Variants in ZNF83 observed in about 807,000 individuals in gnomAD.
ZNF83 encodes zinc finger protein 816B.
For synonymous variants in ZNF83, 209 were observed against 213.0 expected (o/e 0.98, Z 0.17); for missense variants, 552 against 629.9 (o/e 0.88, Z 1.32).
chr19:52,634,100 T>G lies in ZNF83; in HGVS notation c.-234+966A>C, dbSNP rs562240617. 1.7e-4 allele frequency among the ~76,000 whole-genome samples: 26 copies of G among 152,084 alleles called. 1 individual carries two copies. Among genetic ancestry groups the G allele is most frequent in the Non-Finnish European group, 3.2e-4 (22 of 68,000 alleles). On this transcript the variant is annotated intron_variant, in intron 2 of 2. Transcript: ENST00000301096. ...GCCTGGCCAACGTGATGAAACCCTGTGTCTACTAAAAATACAAAAAGATTA... is the reference window on the plus strand; with the variant it reads ...GCCTGGCCAACGTGATGAAACCCTGGGTCTACTAAAAATACAAAAAGATTA...
intron 3 of ZNF83, chr19:52,653,009 G>A: frequency 7.1e-7 from 1 of 1,406,066 alleles, no homozygotes; most frequent in South Asian, 1.1e-5. Flanking sequence ...ACTCTCTGAT[G>A]TTGTGCAAGG....
intron 1 of ZNF83, among the ~76,000 whole-genome samples, chr19:52,676,939 A>G (rs1326884361): frequency 3.5e-5 from 5 of 140,920 alleles, no homozygotes; most frequent in African/African-American, 1.4e-4. Context: ...CATGCTCCTT[A>G]AGAGTCATCA....
At chr19:52,676,312 G>A (rs1449246415) in intron 1 of ZNF83, among the ~76,000 whole-genome samples, 1 of 152,168 alleles carries the variant, frequency 6.6e-6, no homozygotes, top group Non-Finnish European at 1.5e-5. Context: ...GAGTGCAGTG[G>A]CCTGATCTCG....
At chr19:52,625,141 T>C (rs2147121914) in intron 2 of ZNF83, among the ~76,000 whole-genome samples, 1 of 152,234 alleles carries the variant, frequency 6.6e-6, no homozygotes, top group South Asian at 2.1e-4. Context: ...TATGCTATAG[T>C]ATCTTCCACA....
rs1049067203 is a variant in ZNF83 at position 52,680,848 on chromosome 19, G to A, written c.-283+9595C>T. 7.3e-5 allele frequency among the ~76,000 whole-genome samples: 11 copies of A among 150,954 alleles called. No homozygotes were observed. In the East Asian group the frequency reaches 2.2e-3, roughly 30 times the overall value. ...AGGATGGTCTCGATCTCCTGACCTCGTGATCCGCCCGCCTCGGCCTCCCAA... is the reference window on the plus strand; with the variant it reads ...AGGATGGTCTCGATCTCCTGACCTCATGATCCGCCCGCCTCGGCCTCCCAA... On this transcript the variant is annotated intron_variant, in intron 1 of 5. Coordinates refer to the ZNF83 transcript ENST00000594682.
At chr19:52,638,525 C>G (rs1223764355), upstream of ZNF83, 1 of 150,004 alleles carries the variant, frequency 6.7e-6, no homozygotes, top group East Asian at 1.9e-4. Flanking sequence ...TCGTTCCCAG[C>G]GCAGAGGCAT....
intron 1 of ZNF83, among the ~76,000 whole-genome samples, chr19:52,671,740 C>A (rs1253463797): frequency 6.6e-6 from 1 of 152,142 alleles, no homozygotes; most frequent in Non-Finnish European, 1.5e-5. Context: ...CACACCCATC[C>A]AATTGCAATC....
intron 2 of ZNF83, among the ~76,000 whole-genome samples, chr19:52,629,668 C>G (rs1475995883): frequency 6.6e-6 from 1 of 152,156 alleles, no homozygotes; most frequent in Non-Finnish European, 1.5e-5. Context: ...TATTCCAAAT[C>G]AGATAACGTT....
At chr19:52,631,994 A>T (rs2060985622) in intron 2 of ZNF83, among the ~76,000 whole-genome samples, 1 of 151,858 alleles carries the variant, frequency 6.6e-6, no homozygotes, top group African/African-American at 2.4e-5. Context: ...GGACTGGCAA[A>T]TTAGCTTTAC....
intron 3 of ZNF83, chr19:52,654,056 C>T: frequency 1.3e-6 from 2 of 1,591,656 alleles, no homozygotes. Context: ...GACTTCTCCA[C>T]TTGATTATCA....
intron 1 of ZNF83, among the ~76,000 whole-genome samples, chr19:52,686,255 G>A (rs1359467358): frequency 2.0e-5 from 3 of 151,762 alleles, no homozygotes; most frequent in Admixed American, 6.6e-5. Context: ...ATTTCAAACC[G>A]AAACTATTTT....
intron 3 of ZNF83, chr19:52,652,851 G>C (rs2061460068): frequency 1.0e-6 from 1 of 977,010 alleles, no homozygotes; most frequent in South Asian, 1.3e-5. Flanking sequence ...GGCATACAAA[G>C]GATGACATAT....
intron 2 of ZNF83, among the ~76,000 whole-genome samples, chr19:52,632,853 AC>A (rs1254416504): frequency 6.6e-6 from 1 of 151,814 alleles, no homozygotes; most frequent in Non-Finnish European, 1.5e-5. Context: ...CCACAATATC[AC>A]CCCTTACCAC....
chr19:52,633,291 G>C lies in ZNF83; in HGVS notation c.-234+1775C>G, dbSNP rs552009674. Reference sequence around the variant, plus strand: ...AAACGGCCCCACCCCATCTCCCTTCGCTGACTCTCTTTTCAGACTCAGCCC... The same window carrying C: ...AAACGGCCCCACCCCATCTCCCTTCCCTGACTCTCTTTTCAGACTCAGCCC... On this transcript the variant is annotated intron_variant, in intron 2 of 2. Transcript: ENST00000301096. Among the ~76,000 whole-genome samples the C allele has an allele frequency of 4.1e-5, 6 of 147,988 alleles. No homozygotes were observed. The Admixed American group carries it at 4.1e-4, about 10-fold the overall frequency.
intron 1 of ZNF83, among the ~76,000 whole-genome samples, chr19:52,679,725 C>T (rs771061858): frequency 2.0e-5 from 3 of 152,158 alleles, no homozygotes; most frequent in Admixed American, 6.6e-5. Flanking sequence ...GTTTCCAGGG[C>T]GCCTCTGCCT....
chr19:52,629,849 AAATTCCGGCCCTCAAAC>A (rs2147150699), intron 2 of ZNF83, among the ~76,000 whole-genome samples: 1 of 152,280 alleles, frequency 6.6e-6, no homozygotes, highest in East Asian at 1.9e-4. Flanking sequence ...TCCAAAAATT[AAATTCCGGCCCTCAAAC>A]CCCACAACAG....
At chr19:52,642,743 T>C (rs1003782927), upstream of ZNF83, among the ~76,000 whole-genome samples, 18 of 152,188 alleles carry the variant, frequency 1.2e-4, no homozygotes, top group African/African-American at 4.3e-4. Context: ...ACTGGGTTAG[T>C]GGTGCATGTC....
chr19:52,655,327 G>A (rs1190508682), intron 3 of ZNF83: 11 of 406,472 alleles, frequency 2.7e-5, no homozygotes, highest in Non-Finnish European at 4.4e-5. Flanking sequence ...GCAGGATGAC[G>A]TTCAATTCTA....
intron 2 of ZNF83, among the ~76,000 whole-genome samples, chr19:52,659,924 A>G (rs2147275570): frequency 6.6e-6 from 1 of 152,268 alleles, no homozygotes; most frequent in South Asian, 2.1e-4. Flanking sequence ...GGTGGGCGGT[A>G]ACTCACGCCT....
Sources: gnomAD v4.1 joint callset for allele counts (sites outside exome capture counted in the v4.1 genomes callset) on GRCh38, gnomAD v4.1.1 for gene constraint, MANE v1.5 for transcripts, NCBI Gene and HGNC (gene_info 2026-07-23, HGNC 2026-07-21) for gene names.